Variants in OSBP2 observed in about 807,000 individuals in gnomAD.
The protein encoded by OSBP2 is oxysterol binding protein 2.
Under a neutral mutation model 96.0 loss-of-function variants are expected in OSBP2, and 66 were observed. The observed-to-expected ratio is 0.69, with a 90% confidence interval of 0.56 to 0.84. OSBP2 has a LOEUF of 0.84. OSBP2 is among the 40% of genes least tolerant of loss of function. OSBP2 has a pLI of 0.00. For synonymous variants in OSBP2, 525 were observed against 520.9 expected (o/e 1.01, Z -0.11); for missense variants, 1,038 against 1,222.7 (o/e 0.85, Z 2.25).
chr22:30,812,600 A>G lies in OSBP2; in HGVS notation c.854-57829A>G, dbSNP rs1369952987. Among the ~76,000 whole-genome samples the G allele has an allele frequency of 2.6e-5, 4 of 152,204 alleles. No homozygotes were observed. The East Asian group carries it at 5.8e-4, about 22-fold the overall frequency. On this transcript the variant is annotated intron_variant, in intron 2 of 13. Coordinates refer to ENST00000332585, the MANE Select transcript of OSBP2 (RefSeq NM_030758.4). Reference sequence around the variant, plus strand: ...GCTGTGCAAATCTCCCTCTACGTGCATCTTTTACATATGTGTGAGTTTTTC... The same window carrying G: ...GCTGTGCAAATCTCCCTCTACGTGCGTCTTTTACATATGTGTGAGTTTTTC...
intron 9 of OSBP2, 91 bp from the exon 10 acceptor site, chr22:30,893,372 C>G (rs528364748): frequency 5.9e-6 from 9 of 1,535,848 alleles, no homozygotes; most frequent in African/African-American, 4.1e-5. Flanking sequence ...TTCAACCCCC[C>G]AGCCTAGTTC....
At chr22:30,711,961 A>G (rs557449017) in intron 1 of OSBP2, among the ~76,000 whole-genome samples, 88 of 151,860 alleles carry the variant, frequency 5.8e-4, no homozygotes, top group Non-Finnish European at 6.6e-4. Flanking sequence ...TAATGCTTAG[A>G]CTCCAGACTG....
intron 2 of OSBP2, among the ~76,000 whole-genome samples, chr22:30,793,194 A>T (rs2090703040): frequency 6.6e-6 from 1 of 152,134 alleles, no homozygotes; most frequent in African/African-American, 2.4e-5. Context: ...GTTCAAGACC[A>T]GCCTGGTCAA....
At chr22:30,707,735 ATG>A (rs1019476512) in intron 1 of OSBP2, among the ~76,000 whole-genome samples, 32 of 151,436 alleles carry the variant, frequency 2.1e-4, no homozygotes, top group African/African-American at 7.5e-4. Context: ...AAAAAAGAAA[ATG>A]TACTTTTTGT....
chr22:30,716,418 T>C (rs1047174071), intron 1 of OSBP2, among the ~76,000 whole-genome samples: 1 of 151,944 alleles, frequency 6.6e-6, no homozygotes, highest in Non-Finnish European at 1.5e-5. Context: ...TTTTTTTGTT[T>C]GTTTGTTTTT....
intron 2 of OSBP2, among the ~76,000 whole-genome samples, chr22:30,749,006 G>C (rs1305318558): frequency 6.6e-6 from 1 of 152,128 alleles, no homozygotes; most frequent in Non-Finnish European, 1.5e-5. Flanking sequence ...ATCCCAGCTA[G>C]TTGGGAGGCC....
chr22:30,874,610 C>A (rs988826339), intron 3 of OSBP2, among the ~76,000 whole-genome samples: 1 of 152,190 alleles, frequency 6.6e-6, no homozygotes, highest in Non-Finnish European at 1.5e-5. Context: ...CCGTCTGGTC[C>A]TCGCAGGGCG....
At chr22:30,853,782 T>C (rs2039022564) in intron 2 of OSBP2, among the ~76,000 whole-genome samples, 1 of 151,950 alleles carries the variant, frequency 6.6e-6, no homozygotes, top group Non-Finnish European at 1.5e-5. Flanking sequence ...TTCTTTTTTT[T>C]TTTTGAGACA....
chr22:30,878,863 G>A (rs2039639336), intron 3 of OSBP2, among the ~76,000 whole-genome samples: 3 of 152,126 alleles, frequency 2.0e-5, no homozygotes, highest in Admixed American at 6.5e-5. Flanking sequence ...CGATGGAGTC[G>A]GCTCGGGGGA....
intron 2 of OSBP2, among the ~76,000 whole-genome samples, chr22:30,790,402 A>T (rs1426568397): frequency 6.6e-6 from 1 of 152,034 alleles, no homozygotes; most frequent in East Asian, 1.9e-4. Context: ...CATACACATG[A>T]TCCGTGATGG....
At chr22:30,784,194 T>C (rs1157396128) in intron 2 of OSBP2, among the ~76,000 whole-genome samples, 1 of 149,392 alleles carries the variant, frequency 6.7e-6, no homozygotes, top group Non-Finnish European at 1.5e-5. Context: ...GTGATAAAAG[T>C]ACCATTCAAA....
intron 3 of OSBP2, among the ~76,000 whole-genome samples, chr22:30,883,915 G>A (rs1188360358): frequency 1.3e-5 from 2 of 152,200 alleles, no homozygotes; most frequent in African/African-American, 4.8e-5. Flanking sequence ...ACAGCAGTGA[G>A]AGAGGGACAG....
chr22:30,713,262 G>A (rs1035381592), intron 1 of OSBP2, among the ~76,000 whole-genome samples: 1 of 151,690 alleles, frequency 6.6e-6, no homozygotes, highest in Non-Finnish European at 1.5e-5. Context: ...CTATTTTTTA[G>A]TAGAGACAGG....
intron 2 of OSBP2, among the ~76,000 whole-genome samples, chr22:30,864,180 C>T (rs1426143893): frequency 6.6e-6 from 1 of 152,142 alleles, no homozygotes; most frequent in African/African-American, 2.4e-5. Context: ...CCATATTGGC[C>T]AGGCTGGTCT....
chr22:30,835,718 C>CTTTTTTT (rs538763182), intron 2 of OSBP2, among the ~76,000 whole-genome samples: 1 of 132,118 alleles, frequency 7.6e-6, no homozygotes, highest in African/African-American at 2.8e-5. Context: ...TATGTAGTTA[C>CTTTTTTT]TTTTTTTTTT....
At chr22:30,822,411 G>A in intron 2 of OSBP2, 2 of 888,810 alleles carry the variant, frequency 2.3e-6, no homozygotes, top group Non-Finnish European at 3.0e-6. Flanking sequence ...CAGCACCGCC[G>A]CTCAGGCTGG....
intron 2 of OSBP2, among the ~76,000 whole-genome samples, chr22:30,834,147 T>C (rs1416531175): frequency 6.6e-6 from 1 of 152,088 alleles, no homozygotes; most frequent in Non-Finnish European, 1.5e-5. Context: ...ACTTCTAGGC[T>C]CAGGTGATCC....
At chr22:30,699,803 G>A (rs981772396) in intron 1 of OSBP2, among the ~76,000 whole-genome samples, 3 of 151,848 alleles carry the variant, frequency 2.0e-5, no homozygotes, top group African/African-American at 7.3e-5. Flanking sequence ...ACCAATAGTT[G>A]GGCTTAATAA....
chr22:30,827,324 C>T (rs553351467), intron 2 of OSBP2, among the ~76,000 whole-genome samples: 21 of 152,206 alleles, frequency 1.4e-4, no homozygotes, highest in East Asian at 7.7e-4. Context: ...CTTCCCACAC[C>T]GAGTTGTCAC....
Sources: gnomAD v4.1 joint callset for allele counts (sites outside exome capture counted in the v4.1 genomes callset) on GRCh38, gnomAD v4.1.1 for gene constraint, MANE v1.5 for transcripts, NCBI Gene and HGNC (gene_info 2026-07-23, HGNC 2026-07-21) for gene names.